The following PAWR variants were observed in gnomAD, a reference collection of about 807,000 sequenced individuals.
PAWR encodes the protein PRKC apoptosis WT1 regulator protein.
In PAWR, 23 loss-of-function variants were observed where a neutral mutation model predicts 32.0. The observed-to-expected ratio is 0.72, with a 90% confidence interval of 0.52 to 1.02. The LOEUF (loss-of-function observed/expected upper bound fraction) is 1.02, where lower values mean the gene tolerates loss of function less well. Among genes scored for constraint, PAWR ranks in the 50% least tolerant of loss-of-function variants. The pLI is 0.00. For synonymous variants in PAWR, 226 were observed against 187.1 expected (o/e 1.21, Z -1.70); for missense variants, 457 against 437.7 (o/e 1.04, Z -0.39).
intron 4 of PAWR, chr12:79,604,207 T>G: frequency 1.0e-6 from 1 of 976,702 alleles, no homozygotes; most frequent in Middle Eastern, 5.3e-4. Context: ...CTTAGGAATG[T>G]TAACATAAAT....
At chr12:79,608,272 T>C (rs1475141170) in intron 4 of PAWR, among the ~76,000 whole-genome samples, 1 of 152,120 alleles carries the variant, frequency 6.6e-6, no homozygotes, top group Non-Finnish European at 1.5e-5. Flanking sequence ...AGGGAACAGT[T>C]TCATAGAAGA....
chr12:79,626,858 C>A (rs561089907), intron 2 of PAWR, among the ~76,000 whole-genome samples: 4 of 151,912 alleles, frequency 2.6e-5, no homozygotes, highest in African/African-American at 9.7e-5. Context: ...TCTGTCCTTG[C>A]GATAATTTGC....
intron 2 of PAWR, among the ~76,000 whole-genome samples, chr12:79,682,995 T>C (rs1319440270): frequency 1.3e-5 from 2 of 152,222 alleles, no homozygotes; most frequent in Non-Finnish European, 2.9e-5. Context: ...CTTAAAGATA[T>C]GTAAAAATTA....
At chr12:79,634,284 G>A (rs1875854716) in intron 2 of PAWR, among the ~76,000 whole-genome samples, 1 of 151,972 alleles carries the variant, frequency 6.6e-6, no homozygotes. Flanking sequence ...TTATCTCTTG[G>A]TTTTTTCTTT....
chr12:79,601,050 T>C (rs1015567524), intron 4 of PAWR, among the ~76,000 whole-genome samples: 1 of 152,004 alleles, frequency 6.6e-6, no homozygotes, highest in African/African-American at 2.4e-5. Flanking sequence ...ATCACTATGT[T>C]AGAGAAGGTT....
chr12:79,638,790 G>GTGT (rs1876095467), intron 2 of PAWR, among the ~76,000 whole-genome samples: 1 of 105,272 alleles, frequency 9.5e-6, no homozygotes. Flanking sequence ...TTATATTTGG[G>GTGT]GTGTGTGTGT....
chr12:79,675,062 T>C (rs778860845), intron 2 of PAWR, among the ~76,000 whole-genome samples: 3 of 152,140 alleles, frequency 2.0e-5, no homozygotes, highest in Admixed American at 6.5e-5. Flanking sequence ...TTACTGGGTA[T>C]ATACCCAAAG....
rs1234434370 is a variant in PAWR at position 79,586,816 on chromosome 12, T to C, written c.*5791A>G. Reference sequence around the variant, plus strand: ...TAAAATTATGCATTTGGTCCAGGATTAAGAGGGAAGTTTTGCTTGCTAGTG... The same window carrying C: ...TAAAATTATGCATTTGGTCCAGGATCAAGAGGGAAGTTTTGCTTGCTAGTG... On this transcript the variant is annotated 3_prime_UTR_variant, in exon 7 of 7. Transcript: ENST00000328827. 6.6e-6 allele frequency: 1 copy of C among 152,152 alleles called. No homozygotes were observed. Among genetic ancestry groups the C allele is most frequent in the Non-Finnish European group, 1.5e-5 (1 of 67,994 alleles). The allele number at this position is 152,152 out of a possible 1,614,324, so 9.4% of individuals were successfully genotyped here. A position where few individuals can be genotyped will look rare whatever the true frequency, so the allele number is the denominator to read the frequency against.
At chr12:79,608,102 T>C (rs925511768) in intron 4 of PAWR, among the ~76,000 whole-genome samples, 4 of 152,048 alleles carry the variant, frequency 2.6e-5, no homozygotes, top group Non-Finnish European at 4.4e-5. Context: ...GTTAACATTG[T>C]TGTGTTGCAA....
chr12:79,625,521 A>T (rs1303949678), intron 2 of PAWR, among the ~76,000 whole-genome samples: 1 of 152,196 alleles, frequency 6.6e-6, no homozygotes, highest in Non-Finnish European at 1.5e-5. Flanking sequence ...AAAAATTAAA[A>T]TTTAAAAAGT....
intron 4 of PAWR, among the ~76,000 whole-genome samples, chr12:79,607,522 A>G (rs2136689563): frequency 6.6e-6 from 1 of 152,146 alleles, no homozygotes; most frequent in South Asian, 2.1e-4. Flanking sequence ...TTAGCCTAGG[A>G]GTTCAGGATC....
intron 2 of PAWR, among the ~76,000 whole-genome samples, chr12:79,663,629 G>A (rs554532066): frequency 2.6e-4 from 40 of 152,180 alleles, no homozygotes; most frequent in African/African-American, 6.7e-4. Flanking sequence ...GTGTGGTGGC[G>A]CACACCTGTA....
chr12:79,661,421 A>G (rs976332165), intron 2 of PAWR, among the ~76,000 whole-genome samples: 9 of 152,146 alleles, frequency 5.9e-5, no homozygotes, highest in South Asian at 2.1e-4. Context: ...ATATCCACAC[A>G]TATTTCTTGG....
chr12:79,627,111 G>A (rs530011097), intron 2 of PAWR, among the ~76,000 whole-genome samples: 16 of 152,054 alleles, frequency 1.1e-4, no homozygotes, highest in Non-Finnish European at 1.3e-4. Flanking sequence ...ACCCAGTAAC[G>A]GCATGGCTGG....
chr12:79,622,660 T>C (rs1031090141), intron 2 of PAWR, among the ~76,000 whole-genome samples: 1 of 152,070 alleles, frequency 6.6e-6, no homozygotes, highest in African/African-American at 2.4e-5. Flanking sequence ...AGGACAGAAA[T>C]GGAAAGGGCA....
intron 2 of PAWR, among the ~76,000 whole-genome samples, chr12:79,647,359 A>G (rs768500282): frequency 6.6e-6 from 1 of 152,186 alleles, no homozygotes; most frequent in Non-Finnish European, 1.5e-5. Context: ...TATTGTATAC[A>G]AAGTTTAACT....
chr12:79,664,686 T>C (rs1185589648), intron 2 of PAWR, among the ~76,000 whole-genome samples: 2 of 146,562 alleles, frequency 1.4e-5, no homozygotes, highest in African/African-American at 5.3e-5. Flanking sequence ...GAGAGAGTGG[T>C]CTTGCTATGT....
intron 4 of PAWR, chr12:79,604,822 A>G: frequency 6.9e-6 from 3 of 434,528 alleles, no homozygotes; most frequent in African/African-American, 2.1e-5. Context: ...TAAAATTGAT[A>G]CATATTTATT....
Position 79,690,150 on chromosome 12 carries a change from G to T in PAWR, c.95C>A (p.Ala32Asp). The T allele has an allele frequency of 6.6e-7, 1 of 1,525,912 alleles. No individual in the cohort carries two copies. The allele number at this position is 1,525,912 out of a possible 1,614,324, so 94.5% of individuals were successfully genotyped here. ...EWKAKREKMR[A>D]KQNPPGPAPP... The stretch of plus-strand genomic sequence containing the variant: ...GGCCGGGCCCGGGGGGTTCTGCTTG[G>T]CGCGCATCTTCTCGCGTTTCGCCTT... Residue 32 changes from alanine (A) to aspartate (D), a missense_variant, in exon 2 of 7, where the codon GCC becomes GAC. Ala to Asp is a moderately radical substitution (Grantham distance 126). Coordinates refer to ENST00000328827, the MANE Select transcript of PAWR (RefSeq NM_002583.4).
Sources: gnomAD v4.1 joint callset for allele counts (sites outside exome capture counted in the v4.1 genomes callset) on GRCh38, gnomAD v4.1.1 for gene constraint, MANE v1.5 for transcripts, NCBI Gene and HGNC (gene_info 2026-07-23, HGNC 2026-07-21) for gene names.